The following ACYP2 variants were observed in gnomAD, a reference collection of about 807,000 sequenced individuals.
ACYP2 encodes the protein acylphosphatase 2.
In ACYP2, 12 loss-of-function variants were observed where a neutral mutation model predicts 11.2. The ratio of observed to expected loss-of-function variants is 1.08; its 90% confidence interval spans 0.69 to 1.74. The LOEUF (loss-of-function observed/expected upper bound fraction) is 1.74. Among genes scored for constraint, ACYP2 ranks in the 40% most tolerant of loss-of-function variants. ACYP2 has a pLI of 0.00. For missense variants in ACYP2, 134 were observed against 101.9 expected, an observed-to-expected ratio of 1.31 and a Z score of -1.35; for synonymous variants, 43 against 32.2, an observed-to-expected ratio of 1.33 and a Z score of -1.13.
At chr2:54,212,193 C>T (rs1373878381) in intron 6 of ACYP2, among the ~76,000 whole-genome samples, 1 of 151,868 alleles carries the variant, frequency 6.6e-6, no homozygotes, top group African/African-American at 2.4e-5. Flanking sequence ...TTCATATTGC[C>T]CAAGCTTTTA....
At chr2:54,110,930 GGTTGA>G (rs1269323435) in intron 4 of ACYP2, among the ~76,000 whole-genome samples, 4 of 151,974 alleles carry the variant, frequency 2.6e-5, no homozygotes, top group Non-Finnish European at 5.9e-5. Context: ...AAAGAGAGGT[GGTTGA>G]GTTCAGAGCA....
chr2:54,203,955 A>G (rs1008462930), intron 6 of ACYP2, among the ~76,000 whole-genome samples: 1 of 152,142 alleles, frequency 6.6e-6, no homozygotes, highest in Admixed American at 6.6e-5. Flanking sequence ...TCACAAATTC[A>G]TAAACTGTCT....
chr2:54,059,655 G>A (rs1343762372), intron 4 of ACYP2, among the ~76,000 whole-genome samples: 1 of 152,148 alleles, frequency 6.6e-6, no homozygotes, highest in Non-Finnish European at 1.5e-5. Context: ...TGTCTTGATT[G>A]TCATCCCAGG....
At chr2:54,155,088 G>C (rs1287988650) in intron 6 of ACYP2, among the ~76,000 whole-genome samples, 2 of 152,112 alleles carry the variant, frequency 1.3e-5, no homozygotes, top group East Asian at 3.8e-4. Context: ...ATGGTTGTTT[G>C]TTCGTACTAA....
At chr2:54,124,311 C>T (rs1680341524) in intron 4 of ACYP2, among the ~76,000 whole-genome samples, 1 of 152,096 alleles carries the variant, frequency 6.6e-6, no homozygotes, top group African/African-American at 2.4e-5. Context: ...TATCCTGCCT[C>T]AGCCTCCTGT....
intron 4 of ACYP2, among the ~76,000 whole-genome samples, chr2:54,061,187 T>G (rs1204546462): frequency 6.6e-6 from 1 of 152,204 alleles, no homozygotes; most frequent in Non-Finnish European, 1.5e-5. Context: ...AGTTCCTTAT[T>G]GGTTTTTTAT....
At chr2:54,023,210 A>C (rs903003843) in intron 2 of ACYP2, among the ~76,000 whole-genome samples, 1 of 152,042 alleles carries the variant, frequency 6.6e-6, no homozygotes, top group Non-Finnish European at 1.5e-5. Context: ...TTCATTTTAC[A>C]TTTTATGTGT....
At chr2:54,075,503 T>TAA (rs56893194) in intron 4 of ACYP2, among the ~76,000 whole-genome samples, 13,947 of 120,150 alleles carry the variant, frequency 0.12, 850 homozygotes, top group East Asian at 0.29. Context: ...GTCTCAAAAT[T>TAA]AAAAAAAAAA....
intron 6 of ACYP2, among the ~76,000 whole-genome samples, chr2:54,212,565 C>A (rs1009812794): frequency 6.6e-5 from 10 of 152,136 alleles, no homozygotes; most frequent in African/African-American, 2.4e-4. Context: ...ACAGGAGTTA[C>A]CATATCCAAT....
chr2:54,145,609 C>T (rs1287654958), intron 6 of ACYP2, among the ~76,000 whole-genome samples: 1 of 152,052 alleles, frequency 6.6e-6, no homozygotes, highest in Non-Finnish European at 1.5e-5. Flanking sequence ...ATATATTCCT[C>T]CAACTTTTTT....
At chr2:54,053,736 T>C (rs1675984192) in intron 3 of ACYP2, among the ~76,000 whole-genome samples, 1 of 152,220 alleles carries the variant, frequency 6.6e-6, no homozygotes, top group Non-Finnish European at 1.5e-5. Context: ...TTTTGGAACT[T>C]TCCCTCAGTC....
rs1678187183 is a variant in ACYP2, at chr2:54,090,841, C to G, written c.277+33481C>G. ...CACTCCATGCACGGGACTTCTTCCTCTGACTCTTGAGATCTGTTAGGCAGC... is the reference window on the plus strand; with the variant it reads ...CACTCCATGCACGGGACTTCTTCCTGTGACTCTTGAGATCTGTTAGGCAGC... On this transcript the variant is annotated intron_variant, in intron 4 of 6. Coordinates refer to ENST00000607452, the MANE Select transcript of ACYP2 (RefSeq NM_001320586.2). Among the ~76,000 whole-genome samples, 8 of 152,302 alleles carry G rather than the reference C, an allele frequency of 5.3e-5. No homozygotes were observed. In the South Asian group the frequency reaches 1.7e-3, roughly 32 times the overall value.
At chr2:54,275,498 T>C (rs1688515862) in intron 6 of ACYP2, among the ~76,000 whole-genome samples, 1 of 152,318 alleles carries the variant, frequency 6.6e-6, no homozygotes, top group Non-Finnish European at 1.5e-5. Context: ...GCTTCCAGTA[T>C]TAGGTCAGGA....
intron 6 of ACYP2, among the ~76,000 whole-genome samples, chr2:54,151,386 T>C (rs1682163910): frequency 6.6e-6 from 1 of 152,210 alleles, no homozygotes. Context: ...GCAACCAGAG[T>C]GGCTAGCTTT....
chr2:54,249,391 C>T (rs182735943), intron 6 of ACYP2, among the ~76,000 whole-genome samples: 178 of 149,250 alleles, frequency 1.2e-3, no homozygotes, highest in African/African-American at 4.2e-3. Context: ...GCCAAGATCG[C>T]GCCACTGCAC....
intron 6 of ACYP2, among the ~76,000 whole-genome samples, chr2:54,278,766 A>T (rs1229136022): frequency 6.6e-6 from 1 of 152,182 alleles, no homozygotes; most frequent in Non-Finnish European, 1.5e-5. Context: ...ATTTACCTAT[A>T]GGTTTCTTTT....
At chr2:54,183,883 A>T (rs1361096195) in intron 6 of ACYP2, among the ~76,000 whole-genome samples, 1 of 152,174 alleles carries the variant, frequency 6.6e-6, no homozygotes, top group African/African-American at 2.4e-5. Flanking sequence ...TCATCTAGTT[A>T]TCAAGGTAAA....
At chr2:54,140,309 G>A (rs1681534097) in intron 6 of ACYP2, among the ~76,000 whole-genome samples, 1 of 152,128 alleles carries the variant, frequency 6.6e-6, no homozygotes, top group African/African-American at 2.4e-5. Flanking sequence ...TTTAAAAACG[G>A]GGAGTATGTG....
chr2:54,032,807 C>A (rs370412665), intron 2 of ACYP2, among the ~76,000 whole-genome samples: 2 of 151,864 alleles, frequency 1.3e-5, no homozygotes, highest in Non-Finnish European at 2.9e-5. Context: ...AACCACTGTT[C>A]GATGAAATAA....
Sources: allele counts gnomAD v4.1 joint callset (sites outside exome capture counted in the v4.1 genomes callset), GRCh38; gene constraint gnomAD v4.1.1; transcripts MANE v1.5; gene names NCBI Gene and HGNC (gene_info 2026-07-23, HGNC 2026-07-21).